TMCO5A: variants seen among roughly 807,000 people sequenced by gnomAD.
The protein encoded by TMCO5A is transmembrane and coiled-coil domain-containing protein 5A.
TMCO5A carries 34 observed loss-of-function variants against 42.3 expected under a neutral mutation model. The ratio of observed to expected loss-of-function variants is 0.80; its 90% CI spans 0.61 to 1.07. The LOEUF (loss-of-function observed/expected upper bound fraction) is 1.07, where lower values mean the gene tolerates loss of function less well. TMCO5A is among the 50% of genes least tolerant of loss of function. The pLI, the probability that TMCO5A is intolerant of heterozygous loss-of-function variation, is 0.00. For synonymous variants in TMCO5A, 131 were observed against 115.6 expected (o/e 1.13, Z -0.86); for missense variants, 357 against 327.9 (o/e 1.09, Z -0.69).
At chr15:37,998,144 G>A in the TMCO5A span, among the ~76,000 whole-genome samples, 13 of 150,716 alleles carry the variant, frequency 8.6e-5, no homozygotes, top group East Asian at 1.4e-3. Context: ...CCCCCATTCC[G>A]TGGGTTGTGT....
chr15:37,990,239 A>C, the TMCO5A span, among the ~76,000 whole-genome samples: 3 of 152,158 alleles, frequency 2.0e-5, no homozygotes, highest in Admixed American at 2.0e-4. Context: ...AGTCTTCAAC[A>C]ATTATTGTAA....
chr15:38,026,889 T>C, the TMCO5A span, among the ~76,000 whole-genome samples: 2 of 152,154 alleles, frequency 1.3e-5, 1 homozygote. Flanking sequence ...TTCCACGTGG[T>C]GTTGAGCCTA....
chr15:37,993,745 T>C, the TMCO5A span, among the ~76,000 whole-genome samples: 5 of 152,288 alleles, frequency 3.3e-5, no homozygotes, highest in East Asian at 7.7e-4. Flanking sequence ...ATAGCAATCA[T>C]GGATCAGATC....
the TMCO5A span, among the ~76,000 whole-genome samples, chr15:38,035,737 AC>A: frequency 5.3e-5 from 8 of 152,116 alleles, no homozygotes; most frequent in African/African-American, 1.7e-4. Context: ...GGGAATGTTA[AC>A]CCCCTCAAAG....
downstream of TMCO5A, among the ~76,000 whole-genome samples, chr15:37,972,447 T>C (rs1386227364): frequency 6.6e-6 from 1 of 152,202 alleles, no homozygotes; most frequent in Non-Finnish European, 1.5e-5. Flanking sequence ...TCAGCATTTG[T>C]TATTTTTTGA....
intron 6 of TMCO5A, among the ~76,000 whole-genome samples, chr15:37,939,396 A>T (rs1889648145): frequency 6.6e-6 from 1 of 152,160 alleles, no homozygotes. Flanking sequence ...AATCAGGAAG[A>T]AATTGGAGCC....
At position 37,936,795 on chromosome 15, in the gene TMCO5A, G is replaced by C. The variant is rs374833527; in HGVS notation, c.141-52G>C. The stretch of plus-strand genomic sequence containing the variant: ...TATATCTGAAATCTGTGTTTTATCA[G>C]TTCTGAAACTGCCAAGCATGGGTCC... On this transcript the variant is annotated intron_variant, in intron 3 of 11. Transcript: ENST00000319669. 2.3e-5 allele frequency: 37 copies of C among 1,604,998 alleles called. No homozygotes were observed. The African/African-American group carries it at 4.8e-4, about 21-fold the overall frequency.
At chr15:37,975,637 G>A in the TMCO5A span, among the ~76,000 whole-genome samples, 1 of 151,106 alleles carries the variant, frequency 6.6e-6, no homozygotes, top group Non-Finnish European at 1.5e-5. Context: ...GTCATTACAT[G>A]TCAGGTGATT....
the TMCO5A span, among the ~76,000 whole-genome samples, chr15:38,039,129 T>C: frequency 2.2e-4 from 34 of 152,334 alleles, 1 homozygote; most frequent in South Asian, 6.2e-3. Context: ...TTTAATAGAA[T>C]AGATTTAATT....
the TMCO5A span, among the ~76,000 whole-genome samples, chr15:38,037,288 T>C: frequency 2.6e-5 from 4 of 152,256 alleles, no homozygotes; most frequent in African/African-American, 9.6e-5. Flanking sequence ...GGTTTAATCC[T>C]AATGACAATG....
the TMCO5A span, among the ~76,000 whole-genome samples, chr15:37,992,082 T>A: frequency 6.6e-6 from 1 of 152,112 alleles, no homozygotes; most frequent in African/African-American, 2.4e-5. Flanking sequence ...ATGGGAGAAA[T>A]TATTTGCAAA....
At chr15:37,943,260 GC>G in intron 9 of TMCO5A, 80 bp from the exon 10 acceptor site, 2 of 1,342,602 alleles carry the variant, frequency 1.5e-6, no homozygotes, top group Non-Finnish European at 2.1e-6. Context: ...AGAATATAAA[GC>G]TTTTTTAAAA....
chr15:38,019,664 G>A, the TMCO5A span, among the ~76,000 whole-genome samples: 1 of 152,112 alleles, frequency 6.6e-6, no homozygotes, highest in African/African-American at 2.4e-5. Context: ...CTGGAGTGCA[G>A]TGGTAAAATC....
downstream of TMCO5A, among the ~76,000 whole-genome samples, chr15:37,970,463 C>T (rs905774009): frequency 1.3e-5 from 2 of 152,202 alleles, no homozygotes; most frequent in Non-Finnish European, 2.9e-5. Flanking sequence ...GGTGGGGACA[C>T]AGTCAAACCA....
At chr15:37,952,117 C>A (rs1196204229), downstream of TMCO5A, among the ~76,000 whole-genome samples, 1 of 152,128 alleles carries the variant, frequency 6.6e-6, no homozygotes, top group Non-Finnish European at 1.5e-5. Context: ...TAAGTTTCTG[C>A]AAGCCTTGCC....
At chr15:38,016,293 C>A in the TMCO5A span, among the ~76,000 whole-genome samples, 2 of 152,130 alleles carry the variant, frequency 1.3e-5, no homozygotes, top group South Asian at 4.2e-4. Context: ...TAGCCCATTG[C>A]CAATAACAGT....
the TMCO5A span, among the ~76,000 whole-genome samples, chr15:37,992,114 T>C: frequency 6.6e-6 from 1 of 152,168 alleles, no homozygotes; most frequent in Non-Finnish European, 1.5e-5. Flanking sequence ...GACAAAGGTC[T>C]AATATCCAGC....
In TMCO5A at chr15:37,957,370, G is replaced by A. The variant is rs148079528; in HGVS notation, c.669-9255G>A. ...TTGTCTCAGCCCCAAATCTCCTTAA[G>A]CTGATAAGCAACTTCAGCAAAGTCT... On this transcript the variant is annotated intron_variant, in intron 11 of 11. Coordinates refer to the TMCO5A transcript ENST00000559502. Among the ~76,000 whole-genome samples the A allele has an allele frequency of 1.0e-3, 155 of 152,236 alleles. 4 individuals carry two copies. The East Asian group carries it at 0.026, about 25-fold the overall frequency.
At chr15:37,946,909 G>A (rs1889985567) in intron 10 of TMCO5A, among the ~76,000 whole-genome samples, 1 of 152,128 alleles carries the variant, frequency 6.6e-6, no homozygotes, top group South Asian at 2.1e-4. Context: ...AGTGGTGAGA[G>A]AAGTCATCCT....
Sources: allele counts gnomAD v4.1 joint callset (sites outside exome capture counted in the v4.1 genomes callset), GRCh38; gene constraint gnomAD v4.1.1; transcripts MANE v1.5; gene names NCBI Gene and HGNC (gene_info 2026-07-23, HGNC 2026-07-21).